The following WWOX variants were observed in gnomAD, a reference collection of about 807,000 sequenced individuals.
WWOX encodes the protein WW domain containing oxidoreductase.
A neutral mutation model predicts 46.2 loss-of-function variants in WWOX; 69 were observed. The observed-to-expected ratio is 1.49, with a 90% CI of 1.23 to 1.82. The LOEUF (loss-of-function observed/expected upper bound fraction) is 1.82, where lower values mean the gene tolerates loss of function less well. Among genes scored for constraint, WWOX ranks in the 40% most tolerant of loss-of-function variants. The probability of loss-of-function intolerance (pLI) is 0.00; values close to 1 mark genes in which losing one functional copy is unlikely to be tolerated. For missense variants in WWOX, 919 were observed against 542.6 expected (o/e 1.69, Z -6.89); for synonymous variants, 359 against 202.6 (o/e 1.77, Z -6.56).
intron 8 of WWOX, among the ~76,000 whole-genome samples, chr16:78,975,685 G>T (rs192640940): frequency 3.2e-4 from 48 of 152,238 alleles, no homozygotes; most frequent in African/African-American, 1.1e-3. Flanking sequence ...TGTCACCCCT[G>T]TTGGGAATAC....
At chr16:79,090,852 G>A (rs547749829) in intron 8 of WWOX, among the ~76,000 whole-genome samples, 10 of 152,218 alleles carry the variant, frequency 6.6e-5, no homozygotes, top group South Asian at 4.1e-4. Context: ...GGAGTGCAGC[G>A]GCATGATCTC....
intron 5 of WWOX, among the ~76,000 whole-genome samples, chr16:78,286,683 C>T (rs2079772250): frequency 6.6e-6 from 1 of 151,142 alleles, no homozygotes; most frequent in Non-Finnish European, 1.5e-5. Context: ...ACTCTTCATA[C>T]TCAAAGCAGT....
intron 8 of WWOX, among the ~76,000 whole-genome samples, chr16:79,044,085 C>A (rs1362208663): frequency 6.6e-6 from 1 of 152,110 alleles, no homozygotes; most frequent in African/African-American, 2.4e-5. Flanking sequence ...CACAGTGAGG[C>A]GCAGCTCCCA....
At position 78,127,564 on chromosome 16, in the gene WWOX, G is replaced by A. The variant is rs141867609; in HGVS notation, c.409+12410G>A. Among the ~76,000 whole-genome samples, 569 of 147,046 alleles carry A rather than the reference G, an allele frequency of 3.9e-3. 4 individuals are homozygous for A. The highest frequency in any genetic ancestry group is 0.015 in the Middle Eastern group (4 of 268). ...CGAGGTTATTTTTGTTACAGTCAAGGAACAAAAAGGGATATATTAAACTTG... is the reference window on the plus strand; with the variant it reads ...CGAGGTTATTTTTGTTACAGTCAAGAAACAAAAAGGGATATATTAAACTTG... On this transcript the variant is annotated intron_variant, in intron 4 of 8. Coordinates refer to ENST00000566780, the MANE Select transcript of WWOX (RefSeq NM_016373.4).
At chr16:79,155,155 A>G (rs1297320236) in intron 8 of WWOX, among the ~76,000 whole-genome samples, 3 of 152,218 alleles carry the variant, frequency 2.0e-5, no homozygotes, top group African/African-American at 7.2e-5. Context: ...AGGCAGGCAG[A>G]TCATGAAGTC....
intron 8 of WWOX, among the ~76,000 whole-genome samples, chr16:79,112,002 C>CT (rs1567557772): frequency 6.6e-6 from 1 of 152,076 alleles, no homozygotes; most frequent in African/African-American, 2.4e-5. Flanking sequence ...AAACTCCATT[C>CT]TTTTTGGTGA....
At chr16:78,978,885 G>A (rs763274581) in intron 8 of WWOX, among the ~76,000 whole-genome samples, 7 of 152,066 alleles carry the variant, frequency 4.6e-5, no homozygotes, top group Admixed American at 3.9e-4. Context: ...AGATTTCGGC[G>A]GGGACACAGA....
At chr16:78,575,657 T>C (rs1360535354) in intron 8 of WWOX, among the ~76,000 whole-genome samples, 1 of 152,176 alleles carries the variant, frequency 6.6e-6, no homozygotes, top group African/African-American at 2.4e-5. Context: ...GATACAGTTT[T>C]GAAAGCCTAG....
chr16:78,469,508 C>G (rs1400453999), intron 8 of WWOX, among the ~76,000 whole-genome samples: 4 of 152,136 alleles, frequency 2.6e-5, no homozygotes, highest in East Asian at 1.9e-4. Flanking sequence ...TACGAATTAC[C>G]CATTCAGTTT....
At chr16:78,175,898 A>G (rs1396930681) in intron 5 of WWOX, among the ~76,000 whole-genome samples, 1 of 152,198 alleles carries the variant, frequency 6.6e-6, no homozygotes, top group East Asian at 1.9e-4. Flanking sequence ...TAAGACATGT[A>G]TACTTACCCA....
At chr16:78,500,305 G>C (rs1462031076) in intron 8 of WWOX, among the ~76,000 whole-genome samples, 1 of 152,156 alleles carries the variant, frequency 6.6e-6, no homozygotes, top group African/African-American at 2.4e-5. Context: ...CATTCCGCTT[G>C]CCAAGATTAA....
intron 8 of WWOX, among the ~76,000 whole-genome samples, chr16:78,736,942 G>A (rs566058273): frequency 9.2e-5 from 14 of 151,990 alleles, no homozygotes; most frequent in Non-Finnish European, 1.9e-4. Context: ...TGTGTATTGC[G>A]TTATTGCCTT....
chr16:78,584,085 T>G (rs974661342), intron 8 of WWOX, among the ~76,000 whole-genome samples: 2 of 152,204 alleles, frequency 1.3e-5, no homozygotes, highest in African/African-American at 2.4e-5. Context: ...AAGTTATTTG[T>G]GTGTTTGGTT....
chr16:78,379,267 A>C (rs1444818896), intron 5 of WWOX, among the ~76,000 whole-genome samples: 2 of 152,246 alleles, frequency 1.3e-5, no homozygotes, highest in Non-Finnish European at 2.9e-5. Flanking sequence ...GGGTAGATAC[A>C]CTGCCATCCA....
At chr16:78,682,179 A>G (rs1310732734) in intron 8 of WWOX, among the ~76,000 whole-genome samples, 1 of 152,222 alleles carries the variant, frequency 6.6e-6, no homozygotes, top group Non-Finnish European at 1.5e-5. Context: ...ACACCTACAA[A>G]TCAGGATCTG....
At chr16:78,676,360 A>T (rs2047599560) in intron 8 of WWOX, among the ~76,000 whole-genome samples, 1 of 151,088 alleles carries the variant, frequency 6.6e-6, no homozygotes, top group South Asian at 2.1e-4. Flanking sequence ...CTTGTCACTT[A>T]GGCCTTGGTA....
intron 8 of WWOX, among the ~76,000 whole-genome samples, chr16:78,778,696 G>A (rs887229903): frequency 2.0e-5 from 3 of 152,168 alleles, no homozygotes; most frequent in Non-Finnish European, 4.4e-5. Flanking sequence ...TCCTGTTTGA[G>A]TTCAAGGGAA....
chr16:78,678,151 G>T (rs947464308), intron 8 of WWOX, among the ~76,000 whole-genome samples: 2 of 152,096 alleles, frequency 1.3e-5, no homozygotes, highest in African/African-American at 2.4e-5. Context: ...GTCTGCCTTG[G>T]TCTCTCCTGG....
At chr16:78,637,898 C>T (rs1231873436) in intron 8 of WWOX, among the ~76,000 whole-genome samples, 1 of 152,108 alleles carries the variant, frequency 6.6e-6, no homozygotes, top group Non-Finnish European at 1.5e-5. Context: ...TACCAGCATC[C>T]CTTCCTTGCA....
Sources: allele counts gnomAD v4.1 joint callset (sites outside exome capture counted in the v4.1 genomes callset), GRCh38; gene constraint gnomAD v4.1.1; transcripts MANE v1.5; gene names NCBI Gene and HGNC (gene_info 2026-07-23, HGNC 2026-07-21).